ZNF385C: variants seen among roughly 807,000 people sequenced by gnomAD.
The protein encoded by ZNF385C is CTD-2132N18.2.
In ZNF385C, 28 loss-of-function variants were observed where a neutral mutation model predicts 35.4. The ratio of observed to expected loss-of-function variants is 0.79; its 90% CI spans 0.59 to 1.08. The LOEUF is 1.08. Ranked by LOEUF, ZNF385C falls within the 50% of genes least tolerant of loss-of-function variation. The pLI is 0.00. For synonymous variants in ZNF385C, 248 were observed against 248.2 expected, an observed-to-expected ratio of 1.00 and a Z score of 0.01; for missense variants, 605 against 595.6, an observed-to-expected ratio of 1.02 and a Z score of -0.16.
chr17:42,054,008 T>C (rs1289322420), intron 2 of ZNF385C, among the ~76,000 whole-genome samples: 1 of 152,186 alleles, frequency 6.6e-6, no homozygotes, highest in Non-Finnish European at 1.5e-5. Flanking sequence ...TCCTGGGCCC[T>C]GTCTCTCTTT....
intron 1 of ZNF385C, among the ~76,000 whole-genome samples, chr17:42,064,274 C>G (rs1555658297): frequency 6.6e-6 from 1 of 152,192 alleles, no homozygotes; most frequent in African/African-American, 2.4e-5. Context: ...ATTTTGCCTT[C>G]TCTCGGAAAT....
At chr17:42,034,565 AGGTTGG>A (rs2052800092) in intron 3 of ZNF385C, among the ~76,000 whole-genome samples, 1 of 151,926 alleles carries the variant, frequency 6.6e-6, no homozygotes, top group Admixed American at 6.6e-5. Context: ...AGATCACCTC[AGGTTGG>A]GAGTTCAAGA....
chr17:42,043,227 C>G, intron 2 of ZNF385C: 1 of 1,232,278 alleles, frequency 8.1e-7, no homozygotes, highest in Non-Finnish European at 1.0e-6. Context: ...GTACCAGGGC[C>G]TGGCGGCACT....
intron 1 of ZNF385C, among the ~76,000 whole-genome samples, chr17:42,085,021 G>T (rs2143938419): frequency 6.6e-6 from 1 of 152,292 alleles, no homozygotes; most frequent in Non-Finnish European, 1.5e-5. Flanking sequence ...TCTGGGCTGG[G>T]TGCGGTGGCT....
chr17:42,042,927 G>C, intron 2 of ZNF385C: 2 of 1,232,540 alleles, frequency 1.6e-6, no homozygotes, highest in Non-Finnish European at 2.0e-6. Flanking sequence ...GCTCGAGCAG[G>C]GCAGAGCAGC....
intron 1 of ZNF385C, among the ~76,000 whole-genome samples, chr17:42,083,870 C>A (rs565449600): frequency 6.6e-6 from 1 of 151,852 alleles, no homozygotes; most frequent in African/African-American, 2.4e-5. Flanking sequence ...AGGCGTCCAC[C>A]AATACACCAG....
At chr17:42,052,194 G>A (rs1555657181) in intron 2 of ZNF385C, among the ~76,000 whole-genome samples, 2 of 152,192 alleles carry the variant, frequency 1.3e-5, no homozygotes, top group African/African-American at 4.8e-5. Context: ...CAGAAGAAGA[G>A]GCTGCCCCCA....
chr17:42,045,209 G>A (rs956475777), intron 2 of ZNF385C, among the ~76,000 whole-genome samples: 5 of 152,070 alleles, frequency 3.3e-5, no homozygotes, highest in East Asian at 3.9e-4. Flanking sequence ...GAGCCACCGC[G>A]CCCAGCCAAT....
rs561776122 is a variant in ZNF385C, at chr17:42,071,687, C to T, written c.-2-8629G>A. On this transcript the variant is annotated intron_variant, in intron 1 of 8. Coordinates refer to ENST00000692273, the MANE Select transcript of ZNF385C (RefSeq NM_001392013.1). Reference sequence around the variant, plus strand: ...AATCTGACCTATTGCCCTGTTCACACTCAGCAGGCAGAGGAGACCCGCCGG... The same window carrying T: ...AATCTGACCTATTGCCCTGTTCACATTCAGCAGGCAGAGGAGACCCGCCGG... Among the ~76,000 whole-genome samples, 252 of 152,334 alleles carry T rather than the reference C, an allele frequency of 1.7e-3. 3 individuals carry two copies. The highest frequency in any genetic ancestry group is 5.8e-3 in the African/African-American group (241 of 41,582).
chr17:42,079,275 A>C lies in ZNF385C; in HGVS notation c.-2-16217T>G, dbSNP rs1334126592. 2.0e-5 allele frequency among the ~76,000 whole-genome samples: 3 copies of C among 148,110 alleles called. 1 individual carries two copies. Among genetic ancestry groups the C allele is most frequent in the Non-Finnish European group, 4.5e-5 (3 of 67,356 alleles). ...AAAAATTAGCTGGGCATGCTGGTGC[A>C]CACCTGTAATCCCAACTACTGGGGA... is the stretch of plus-strand genomic sequence containing the variant. On this transcript the variant is annotated intron_variant, in intron 1 of 8. Coordinates refer to ENST00000692273, the MANE Select transcript of ZNF385C (RefSeq NM_001392013.1).
intron 2 of ZNF385C, among the ~76,000 whole-genome samples, chr17:42,053,473 C>T (rs562817370): frequency 1.3e-5 from 2 of 150,338 alleles, no homozygotes; most frequent in Admixed American, 6.5e-5. Flanking sequence ...TCCCCTCGGA[C>T]GTCTCCCCCT....
chr17:42,080,919 C>G (rs1598203794), intron 1 of ZNF385C, among the ~76,000 whole-genome samples: 1 of 152,214 alleles, frequency 6.6e-6, no homozygotes, highest in Admixed American at 6.5e-5. Flanking sequence ...AGACCTTGGG[C>G]AAAGTCCTTA....
intron 2 of ZNF385C, among the ~76,000 whole-genome samples, chr17:42,060,460 T>C (rs1196765629): frequency 6.6e-6 from 1 of 152,034 alleles, no homozygotes; most frequent in Admixed American, 6.6e-5. Flanking sequence ...CCCTGCACAC[T>C]CCCTGCACAC....
At chr17:42,049,264 C>A in intron 2 of ZNF385C, among the ~76,000 whole-genome samples, 1 of 152,188 alleles carries the variant, frequency 6.6e-6, no homozygotes, top group East Asian at 1.9e-4. Flanking sequence ...GAAGTCCCTT[C>A]TTTTCTGTCA....
chr17:42,069,618 CT>C (rs2053595638), intron 1 of ZNF385C, among the ~76,000 whole-genome samples: 1 of 152,274 alleles, frequency 6.6e-6, no homozygotes, highest in African/African-American at 2.4e-5. Flanking sequence ...CAGTTACCCT[CT>C]GGCATTTTCC....
intron 3 of ZNF385C, among the ~76,000 whole-genome samples, chr17:42,037,495 A>G (rs1433467223): frequency 6.6e-6 from 1 of 151,856 alleles, no homozygotes; most frequent in African/African-American, 2.4e-5. Flanking sequence ...CCCAGCAGCT[A>G]TGATGGTGGG....
intron 4 of ZNF385C, among the ~76,000 whole-genome samples, chr17:42,033,803 T>C (rs1284234130): frequency 1.3e-5 from 2 of 152,062 alleles, no homozygotes; most frequent in African/African-American, 4.8e-5. Flanking sequence ...CTCACAGATG[T>C]ATCATGAAAA....
Position 42,095,505 on chromosome 17 carries a change from G to A in ZNF385C, c.-3+2905C>T, listed in dbSNP as rs915455742. On this transcript the variant is annotated intron_variant, in intron 1 of 8. Transcript: ENST00000692273. This position sits in a 1 kb window ranked among gnomAD's most constrained non-coding sequence, Gnocchi z 4.4. ...TAGCTTCCATCCCTCCTGCTGCTGC[G>A]GCCCCATTTAGCTCTCTCCTTGCTC... Among the ~76,000 whole-genome samples, 7 of 152,064 alleles carry A rather than the reference G, an allele frequency of 4.6e-5. No homozygotes were observed. Among genetic ancestry groups the A allele is most frequent in the East Asian group, 1.9e-4 (1 of 5,182 alleles).
chr17:42,026,957 A>T lies in ZNF385C; in HGVS notation c.1452T>A (p.Phe484Leu), dbSNP rs1377662558. 6.2e-7 allele frequency: 1 copy of T among 1,611,926 alleles called. No individual in the cohort carries two copies. Among genetic ancestry groups the T allele is most frequent in the African/African-American group, 1.3e-5 (1 of 75,016 alleles). Residue 484 changes from phenylalanine (F) to leucine (L), a missense_variant, in exon 9 of 9, where the codon TTT (phenylalanine) becomes TTA (leucine). Coordinates refer to ENST00000692273, the MANE Select transcript of ZNF385C (RefSeq NM_001392013.1). The part of the protein sequence containing the change: ...FPAPILGPAL[F>L]RTPAGAVRPA... Reference sequence around the variant, plus strand: ...GGCGGACAGCTCCTGCTGGGGTGCGAAACAGAGCTGGGCCCAGGATGGGAG... The same window carrying T: ...GGCGGACAGCTCCTGCTGGGGTGCGTAACAGAGCTGGGCCCAGGATGGGAG...
Sources: allele counts gnomAD v4.1 joint callset (sites outside exome capture counted in the v4.1 genomes callset), GRCh38; gene constraint gnomAD v4.1.1; non-coding constraint Gnocchi (gnomAD v3.1); transcripts MANE v1.5; gene names NCBI Gene and HGNC (gene_info 2026-07-23, HGNC 2026-07-21).